ME1: variants seen among roughly 807,000 people sequenced by gnomAD.
The protein encoded by ME1 is NADP-dependent malic enzyme.
A neutral mutation model predicts 66.4 loss-of-function variants in ME1; 74 were observed. The ratio of observed to expected loss-of-function variants is 1.11; its 90% CI spans 0.92 to 1.35. The LOEUF is 1.35. Among genes scored for constraint, ME1 ranks in the 40% most tolerant of loss-of-function variants. ME1 has a pLI of 0.00. For missense variants in ME1, 750 were observed against 694.1 expected, an observed-to-expected ratio of 1.08 and a Z score of -0.90; for synonymous variants, 251 against 235.6, an observed-to-expected ratio of 1.07 and a Z score of -0.60.
At chr6:83,259,776 A>G (rs979783944) in intron 6 of ME1, among the ~76,000 whole-genome samples, 1 of 152,134 alleles carries the variant, frequency 6.6e-6, no homozygotes, top group African/African-American at 2.4e-5. Context: ...TAACATTTAG[A>G]CAGTCCTTTC....
chr6:83,317,673 T>C (rs1768060489), intron 5 of ME1, among the ~76,000 whole-genome samples: 1 of 152,080 alleles, frequency 6.6e-6, no homozygotes, highest in Admixed American at 6.6e-5. Context: ...TCCTGCCTAA[T>C]TGCCCTTGCT....
chr6:83,223,613 A>AC (rs1379239252), intron 12 of ME1, 147 bp downstream of exon 12: 3 of 655,656 alleles, frequency 4.6e-6, no homozygotes, highest in Non-Finnish European at 7.6e-6. Flanking sequence ...CATGCTACCC[A>AC]CCCCTTATAC....
chr6:83,271,680 TA>T (rs529474971), intron 6 of ME1, among the ~76,000 whole-genome samples: 75 of 152,184 alleles, frequency 4.9e-4, no homozygotes, highest in African/African-American at 1.7e-3. Flanking sequence ...AACTTGGCAA[TA>T]AAGGCGAATA....
rs544042612 is a variant in ME1 at position 83,237,036 on chromosome 6, T to G, written c.1026+681A>C. ...GAAACACAGTGAAAGCTGTACAGTT[T>G]TTTTTTTTTTTAATTAGCCGGATAT... is the stretch of plus-strand genomic sequence containing the variant. On this transcript the variant is annotated intron_variant, in intron 9 of 13. Coordinates refer to ENST00000369705, the MANE Select transcript of ME1 (RefSeq NM_002395.6). Among the ~76,000 whole-genome samples, 5 of 47,560 alleles carry G rather than the reference T, an allele frequency of 1.1e-4. No individual in the cohort carries two copies. In the South Asian group the frequency reaches 1.6e-3, roughly 16 times the overall value. 31.2% of individuals were successfully genotyped at this position (47,560 alleles called of 152,430 possible). A position where few individuals can be genotyped will look rare whatever the true frequency, so the allele number is the denominator to read the frequency against.
chr6:83,308,009 C>G (rs565936072), intron 6 of ME1, among the ~76,000 whole-genome samples: 1 of 152,138 alleles, frequency 6.6e-6, no homozygotes, highest in African/African-American at 2.4e-5. Flanking sequence ...GTTTCAGGCA[C>G]ACAGCCAAGA....
intron 5 of ME1, among the ~76,000 whole-genome samples, chr6:83,325,950 A>AC (rs1554268398): frequency 6.7e-6 from 1 of 148,460 alleles, no homozygotes; most frequent in Non-Finnish European, 1.5e-5. Flanking sequence ...GAAGCAAACA[A>AC]AAAAAAAAAA....
intron 5 of ME1, among the ~76,000 whole-genome samples, chr6:83,343,673 C>T (rs766474285): frequency 3.2e-4 from 48 of 152,146 alleles, no homozygotes; most frequent in East Asian, 9.7e-4. Flanking sequence ...TAAGAAATTT[C>T]GTGAAGGATA....
intron 7 of ME1, among the ~76,000 whole-genome samples, chr6:83,253,130 G>C (rs1367498873): frequency 5.9e-5 from 9 of 152,036 alleles, no homozygotes; most frequent in Non-Finnish European, 1.3e-4. Context: ...GCTCTGCATG[G>C]ATCTGGAGAG....
chr6:83,421,464 G>A (rs1770265141), intron 1 of ME1, among the ~76,000 whole-genome samples: 1 of 152,152 alleles, frequency 6.6e-6, no homozygotes, highest in Non-Finnish European at 1.5e-5. Context: ...AATAATCCTT[G>A]TATAGAATGC....
At chr6:83,329,016 CTATT>C (rs1397171174) in intron 5 of ME1, among the ~76,000 whole-genome samples, 1 of 152,140 alleles carries the variant, frequency 6.6e-6, no homozygotes, top group Non-Finnish European at 1.5e-5. Flanking sequence ...ACTGAAGCAT[CTATT>C]TATTTGAAGT....
At chr6:83,426,193 T>C (rs982067568) in intron 1 of ME1, among the ~76,000 whole-genome samples, 14 of 152,204 alleles carry the variant, frequency 9.2e-5, no homozygotes, top group African/African-American at 3.4e-4. Flanking sequence ...TGTCCATTCC[T>C]TTACATCACA....
chr6:83,317,965 C>T (rs1486974386), intron 5 of ME1, among the ~76,000 whole-genome samples: 76 of 151,982 alleles, frequency 5.0e-4, no homozygotes, highest in South Asian at 4.4e-3. Context: ...TATAGATCAA[C>T]GGAACAGAAC....
intron 13 of ME1, among the ~76,000 whole-genome samples, chr6:83,213,603 G>A (rs2128522143): frequency 6.6e-6 from 1 of 152,178 alleles, no homozygotes; most frequent in East Asian, 2.0e-4. Context: ...CTGACCTGAG[G>A]TGATCCACCT....
At chr6:83,362,849 A>G (rs558567314) in intron 3 of ME1, among the ~76,000 whole-genome samples, 5 of 152,270 alleles carry the variant, frequency 3.3e-5, no homozygotes, top group Admixed American at 3.3e-4. Flanking sequence ...GCCTCTAACA[A>G]AGGCACTCAC....
intron 9 of ME1, among the ~76,000 whole-genome samples, chr6:83,237,372 A>G (rs1583333342): frequency 1.3e-5 from 2 of 150,178 alleles, no homozygotes; most frequent in African/African-American, 5.0e-5. Flanking sequence ...AGAAAGAAAG[A>G]AAAGGAAGGA....
chr6:83,405,932 G>A (rs1769935285), intron 2 of ME1, among the ~76,000 whole-genome samples: 2 of 151,850 alleles, frequency 1.3e-5, no homozygotes, highest in African/African-American at 4.8e-5. Flanking sequence ...CGTTTTAGCC[G>A]GGATGGTCTC....
chr6:83,260,236 C>CA (rs1051596425), intron 6 of ME1, among the ~76,000 whole-genome samples: 5 of 149,340 alleles, frequency 3.3e-5, no homozygotes, highest in Admixed American at 6.7e-5. Flanking sequence ...GTCTGCTTTT[C>CA]AAAAAAAATA....
At chr6:83,314,593 T>C (rs183748405) in intron 6 of ME1, among the ~76,000 whole-genome samples, 1 of 152,330 alleles carries the variant, frequency 6.6e-6, no homozygotes, top group Non-Finnish European at 1.5e-5. Flanking sequence ...TGCATAAAAT[T>C]ACCTTTAGGC....
chr6:83,293,911 A>AG (rs2128535348), intron 6 of ME1, among the ~76,000 whole-genome samples: 1 of 152,324 alleles, frequency 6.6e-6, no homozygotes, highest in Admixed American at 6.5e-5. Flanking sequence ...TGTAGCATCT[A>AG]TTTACTCTCT....
Sources: gnomAD v4.1 joint callset for allele counts (sites outside exome capture counted in the v4.1 genomes callset) on GRCh38, gnomAD v4.1.1 for gene constraint, MANE v1.5 for transcripts, NCBI Gene and HGNC (gene_info 2026-07-23, HGNC 2026-07-21) for gene names.